PHF3: variants seen among roughly 807,000 people sequenced by gnomAD.
PHF3 encodes the protein PHD finger protein 3.
PHF3 carries 41 observed loss-of-function variants against 178.4 expected under a neutral mutation model. The observed-to-expected ratio is 0.23, with a 90% CI of 0.18 to 0.30. The LOEUF is 0.30. PHF3 is among the 10% of genes least tolerant of loss of function. The probability of loss-of-function intolerance (pLI) is 1.00; values close to 1 mark genes in which losing one functional copy is unlikely to be tolerated. For synonymous variants in PHF3, 842 were observed against 800.5 expected (o/e 1.05, Z -0.88); for missense variants, 2,346 against 2,398.1 (o/e 0.98, Z 0.45).
At position 63,700,421 on chromosome 6, in the gene PHF3, A is replaced by G; in HGVS notation, c.3054A>G (p.Leu1018=). 6.2e-7 allele frequency: 1 copy of G among 1,605,440 alleles called. No individual in the cohort carries two copies. Among genetic ancestry groups the G allele is most frequent in the South Asian group, 1.1e-5 (1 of 90,544 alleles). Residue 1018 remains leucine, a synonymous_variant, in exon 9 of 16, where the codon CTA becomes CTG. Coordinates refer to ENST00000262043, the MANE Select transcript of PHF3 (RefSeq NM_001370348.2). ...DHLIRMSPEE[L]ASKELAAWRR... is the part of the protein sequence containing the mutation. ...TTATCAGAATGAGTCCAGAAGAACT[A>G]GCTTCTAAAGAGTTAGCTGCTTGGA...
chr6:63,707,200 CT>C (rs1243558433), intron 13 of PHF3, among the ~76,000 whole-genome samples: 5 of 152,156 alleles, frequency 3.3e-5, no homozygotes, highest in Non-Finnish European at 4.4e-5. Flanking sequence ...GATTTACATA[CT>C]TTTGGTCTTT....
In PHF3 at chr6:63,692,057, T is replaced by TA; in HGVS notation, c.2496+16dup. The TA allele has an allele frequency of 6.4e-7, 1 of 1,569,596 alleles. No individual in the cohort carries two copies. Among genetic ancestry groups the TA allele is most frequent in the South Asian group, 1.2e-5 (1 of 84,992 alleles). On this transcript the variant is annotated intron_variant, in intron 5 of 15. Transcript: ENST00000262043. ...ATTTTAAAACGGGTGAGCTCTTCAT[T>TA]AATGCATTATTTTGTTTATTTAAGA...
At chr6:63,703,863 T>C (rs1247541702) in intron 11 of PHF3, among the ~76,000 whole-genome samples, 192 bp downstream of exon 11, 6 of 152,212 alleles carry the variant, frequency 3.9e-5, no homozygotes, top group Non-Finnish European at 7.3e-5. Flanking sequence ...TATAGTCTAC[T>C]GTCTAGACCT....
chr6:63,656,769 A>G (rs1287854435), intron 2 of PHF3, among the ~76,000 whole-genome samples: 1 of 152,104 alleles, frequency 6.6e-6, no homozygotes, highest in African/African-American at 2.4e-5. Flanking sequence ...TACTTGAGTA[A>G]TGATTTGGTT....
intron 2 of PHF3, among the ~76,000 whole-genome samples, chr6:63,675,518 T>C (rs963480631): frequency 6.6e-6 from 1 of 152,182 alleles, no homozygotes; most frequent in Non-Finnish European, 1.5e-5. Flanking sequence ...TCTTGAATGT[T>C]CAGCATGAGA....
rs765579994 is a variant in PHF3 at position 63,712,144 on chromosome 6, A to G, written c.4556A>G (p.Glu1519Gly). 1.9e-6 allele frequency: 3 copies of G among 1,613,428 alleles called. No individual in the cohort carries two copies. The highest frequency in any genetic ancestry group is 1.7e-4 in the Middle Eastern group (1 of 6,054). Residue 1519 changes from glutamate (E) to glycine (G), a missense_variant, in exon 16 of 16, where the codon GAA (glutamate) becomes GGA (glycine). This residue lies in a region of PHF3 where 839 missense variants were observed against 806.9 expected (regional missense o/e 1.04). Coordinates refer to ENST00000262043, the MANE Select transcript of PHF3 (RefSeq NM_001370348.2). ...GATAATGTGGAAGTAACTGATGGTG[A>G]AAACAAGGAGATAAAAGTTAAAGTA... ...KTDNVEVTDG[E>G]NKEIKVKVDN...
intron 2 of PHF3, among the ~76,000 whole-genome samples, chr6:63,650,851 C>T (rs1054648265): frequency 2.6e-5 from 4 of 152,068 alleles, no homozygotes; most frequent in African/African-American, 7.2e-5. Context: ...TTGAACTAAA[C>T]GTAGTGGCTC....
rs747895942 is a variant in PHF3, at chr6:63,684,330, A to G, written c.608A>G (p.Asn203Ser). Reference protein sequence around the residue: ...YHKENRRCSRNSGQIEVVPEV... With the variant: ...YHKENRRCSRSSGQIEVVPEV... Reference sequence around the variant, plus strand: ...AAGGAGAATAGAAGGTGCAGCCGAAATAGCGGACAAATTGAAGTGGTACCT... The same window carrying G: ...AAGGAGAATAGAAGGTGCAGCCGAAGTAGCGGACAAATTGAAGTGGTACCT... Residue 203 changes from asparagine (N) to serine (S), a missense_variant, in exon 4 of 16, where the codon AAT becomes AGT. This residue lies in a region of PHF3 where 843 missense variants were observed against 795.2 expected (regional missense o/e 1.06). Transcript: ENST00000262043. The G allele has an allele frequency of 1.2e-6, 2 of 1,614,052 alleles. No homozygotes were observed. Among genetic ancestry groups the G allele is most frequent in the Non-Finnish European group, 1.7e-6 (2 of 1,179,914 alleles).
At chr6:63,706,257 CATT>C (rs1452635060) in intron 12 of PHF3, 33 bp downstream of exon 12, 2 of 1,468,126 alleles carry the variant, frequency 1.4e-6, no homozygotes, top group Non-Finnish European at 1.9e-6. Context: ...CTGTAATACT[CATT>C]ATAGATCTTT....
intron 6 of PHF3, among the ~76,000 whole-genome samples, chr6:63,696,881 TG>T (rs1767252089): frequency 6.6e-6 from 1 of 152,144 alleles, no homozygotes; most frequent in Admixed American, 6.5e-5. Context: ...CCAGTTGTAG[TG>T]GCTTATGAAT....
At position 63,725,069 on chromosome 6, in the gene PHF3, T is replaced by C. The variant is rs1475948748; in HGVS notation, c.*11361T>C. Among the ~76,000 whole-genome samples, 1 of 152,138 alleles carries C rather than the reference T, an allele frequency of 6.6e-6. No individual in the cohort carries two copies. The highest frequency in any genetic ancestry group is 2.4e-5 in the African/African-American group (1 of 41,442). On this transcript the variant is annotated 3_prime_UTR_variant, in exon 16 of 16. Coordinates refer to ENST00000262043, the MANE Select transcript of PHF3 (RefSeq NM_001370348.2). ...GTTTATGCCTTTCATCTGATAATTG[T>C]TTTTGGTTAATCTAGGTTTAAGCAT...
chr6:63,725,274 C>G lies in PHF3; in HGVS notation c.*11566C>G, dbSNP rs796667607. Among the ~76,000 whole-genome samples the G allele has an allele frequency of 1.1e-4, 17 of 152,182 alleles. No homozygotes were observed. The highest frequency in any genetic ancestry group is 4.1e-4 in the African/African-American group (17 of 41,562). ...AATAACAGATGTAAGAAGATGTGCTCTTGCCCTCCTATGTGTATTAGTGTG... is the reference window on the plus strand; with the variant it reads ...AATAACAGATGTAAGAAGATGTGCTGTTGCCCTCCTATGTGTATTAGTGTG... On this transcript the variant is annotated 3_prime_UTR_variant, in exon 16 of 16. Coordinates refer to ENST00000262043, the MANE Select transcript of PHF3 (RefSeq NM_001370348.2).
Position 63,706,725 on chromosome 6 carries a change from C to T in PHF3, c.3564-4C>T. ...TCTTTAGGCTTTTTAATGTCATTTT[C>T]TAGTCCAGAGATGCCTGGAACTGTT... On this transcript the variant is annotated splice_polypyrimidine_tract_variant and splice_region_variant and intron_variant, in intron 12 of 15. Transcript: ENST00000262043. 1 of 1,612,056 alleles carries T rather than the reference C, an allele frequency of 6.2e-7. No homozygotes were observed. Among genetic ancestry groups the T allele is most frequent in the Non-Finnish European group, 8.5e-7 (1 of 1,179,082 alleles).
In PHF3 at chr6:63,706,118, G is replaced by GAAA; in HGVS notation, c.3458_3460dup (p.Glu1153_Ser1154insLys). On this transcript the variant is annotated inframe_insertion, in exon 12 of 16. Coordinates refer to ENST00000262043, the MANE Select transcript of PHF3 (RefSeq NM_001370348.2). ...TCGCAAACATTCAGACAATGAAGCA[G>GAAA]AAAGTATAGCAGATGCATTATCTTC... 4 of 1,613,964 alleles carry GAAA rather than the reference G, an allele frequency of 2.5e-6. No individual in the cohort carries two copies. Among genetic ancestry groups the GAAA allele is most frequent in the Non-Finnish European group, 3.4e-6 (4 of 1,179,910 alleles).
In PHF3 at chr6:63,719,144, A is replaced by G. The variant is rs545157694; in HGVS notation, c.*5436A>G. Among the ~76,000 whole-genome samples the G allele has an allele frequency of 2.6e-5, 4 of 152,152 alleles. No homozygotes were observed. In the Middle Eastern group the frequency reaches 0.014, roughly 518 times the overall value. ...GTTTGGAAACATTTGTGCCCTGTCA[A>G]ATGGTGTTGACATTCTTAACTCTGG... On this transcript the variant is annotated 3_prime_UTR_variant, in exon 16 of 16. Coordinates refer to ENST00000262043, the MANE Select transcript of PHF3 (RefSeq NM_001370348.2).
chr6:63,668,978 A>T (rs951629232), intron 2 of PHF3, among the ~76,000 whole-genome samples: 9 of 152,190 alleles, frequency 5.9e-5, no homozygotes, highest in South Asian at 4.1e-4. Context: ...ATGTAAAAGG[A>T]GGTCAGCTTG....
Position 63,712,971 on chromosome 6 carries a change from T to G in PHF3, c.5383T>G (p.Phe1795Val). 1.2e-6 allele frequency: 2 copies of G among 1,613,926 alleles called. No individual in the cohort carries two copies. Among genetic ancestry groups the G allele is most frequent in the East Asian group, 4.5e-5 (2 of 44,882 alleles). Residue 1795 changes from phenylalanine (F) to valine (V), a missense_variant, in exon 16 of 16, where the codon TTT becomes GTT. Phe to Val is a conservative substitution (Grantham distance 50). Transcript: ENST00000262043. ...CACCAGCCCCAGAACAAGTACAAACTTTTCACCCATGAGGCCACAGCAGCC... is the reference window on the plus strand; with the variant it reads ...CACCAGCCCCAGAACAAGTACAAACGTTTCACCCATGAGGCCACAGCAGCC... ...RSTSPRTSTNFSPMRPQQPNL... is the reference protein window; with the variant it reads ...RSTSPRTSTNVSPMRPQQPNL...
intron 3 of PHF3, among the ~76,000 whole-genome samples, chr6:63,681,599 T>C (rs188287642): frequency 1.8e-4 from 27 of 152,188 alleles, no homozygotes; most frequent in Non-Finnish European, 1.0e-4. Context: ...CTTTTTGTTG[T>C]TGTTTTGAGA....
rs913836045 is a variant in PHF3 at position 63,722,175 on chromosome 6, G to A, written c.*8467G>A. On this transcript the variant is annotated 3_prime_UTR_variant, in exon 16 of 16. Transcript: ENST00000262043. ...TCTGCACATTCCTGGCTCCTTTCCT[G>A]TCTCTCCAACCTTACCTGGAATGTT... Among the ~76,000 whole-genome samples, 2 of 151,986 alleles carry A rather than the reference G, an allele frequency of 1.3e-5. No homozygotes were observed. Among genetic ancestry groups the A allele is most frequent in the African/African-American group, 4.8e-5 (2 of 41,380 alleles).
Sources: allele counts gnomAD v4.1 joint callset (sites outside exome capture counted in the v4.1 genomes callset), GRCh38; gene constraint gnomAD v4.1.1; regional missense constraint gnomAD v4.1.1; transcripts MANE v1.5; gene names NCBI Gene and HGNC (gene_info 2026-07-23, HGNC 2026-07-21).